The following CHIC1 variants were observed in gnomAD, a reference collection of about 807,000 sequenced individuals.
CHIC1 encodes the protein cysteine rich hydrophobic domain 1.
A neutral mutation model predicts 18.5 loss-of-function variants in CHIC1; 7 were observed. That is an observed-to-expected ratio of 0.38 (90% CI 0.22 to 0.71). The LOEUF (loss-of-function observed/expected upper bound fraction) is 0.71, where lower values mean the gene tolerates loss of function less well. Among genes scored for constraint, CHIC1 ranks in the 30% least tolerant of loss-of-function variants. The pLI is 0.49. For synonymous variants in CHIC1, 77 were observed against 73.5 expected (o/e 1.05, Z -0.25); for missense variants, 159 against 176.9 (o/e 0.90, Z 0.57).
intron 3 of CHIC1, among the ~76,000 whole-genome samples, chrX:73,626,814 C>T (rs1402137661): frequency 9.0e-6 from 1 of 110,863 alleles, no homozygotes; most frequent in Non-Finnish European, 1.9e-5. Context: ...TTATTTCATT[C>T]ATTTGATGAG....
At chrX:73,659,628 G>A (rs1040064330) in intron 3 of CHIC1, among the ~76,000 whole-genome samples, 5 of 111,452 alleles carry the variant, frequency 4.5e-5, no homozygotes, top group African/African-American at 1.6e-4. Flanking sequence ...AACCAAGCCT[G>A]TCCCTGCACT....
chrX:73,607,299 C>T (rs1234582070), intron 3 of CHIC1, among the ~76,000 whole-genome samples: 5 of 108,068 alleles, frequency 4.6e-5, no homozygotes, highest in Admixed American at 9.7e-5. Flanking sequence ...AAACTGTCTA[C>T]TCAAGCCTCA....
chrX:73,576,859 G>A (rs17302640), intron 1 of CHIC1, among the ~76,000 whole-genome samples: 16,346 of 109,850 alleles, frequency 0.15, 986 homozygotes, highest in Non-Finnish European at 0.16. Flanking sequence ...AAAATTGGTC[G>A]AGCACAGACG....
At chrX:73,641,478 C>G (rs1456807004) in intron 3 of CHIC1, among the ~76,000 whole-genome samples, 2 of 110,694 alleles carry the variant, frequency 1.8e-5, no homozygotes, top group South Asian at 3.9e-4. Flanking sequence ...TACTGGTAAC[C>G]ACCGTTCCAC....
At chrX:73,663,504 C>T (rs933658371) in intron 3 of CHIC1, among the ~76,000 whole-genome samples, 3 of 110,475 alleles carry the variant, frequency 2.7e-5, no homozygotes, top group Non-Finnish European at 3.8e-5. Context: ...CCTTTCTTCC[C>T]TCTGAATTGC....
chrX:73,684,790 T>C lies in CHIC1; in HGVS notation c.*3785T>C. 9.0e-6 allele frequency: 1 copy of C among 111,652 alleles called. No homozygotes were observed. Among genetic ancestry groups the C allele is most frequent in the Non-Finnish European group, 1.9e-5 (1 of 52,934 alleles). 9.2% of individuals were successfully genotyped at this position (111,652 alleles called of 1,213,427 possible). On this transcript the variant is annotated 3_prime_UTR_variant, in exon 6 of 6. Coordinates refer to ENST00000373502, the MANE Select transcript of CHIC1 (RefSeq NM_001039840.4). ...AATGAATAGGTTTTATTAATACCTG[T>C]TCATGTAGTATGTGGACTAAAACAA...
intron 3 of CHIC1, among the ~76,000 whole-genome samples, chrX:73,601,545 G>A (rs2147566770): frequency 9.4e-6 from 1 of 106,116 alleles, no homozygotes; most frequent in African/African-American, 3.7e-5. Flanking sequence ...AGAATGTCTG[G>A]GACGCATTCA....
At chrX:73,579,067 A>G (rs1456076326) in intron 2 of CHIC1, among the ~76,000 whole-genome samples, 1 of 110,415 alleles carries the variant, frequency 9.1e-6, no homozygotes, top group Admixed American at 9.7e-5. Context: ...CTTTGAAATC[A>G]TAAGAAATTC....
chrX:73,580,302 T>C (rs2057520497), intron 2 of CHIC1, among the ~76,000 whole-genome samples: 1 of 110,831 alleles, frequency 9.0e-6, no homozygotes, highest in South Asian at 3.7e-4. Context: ...CATAAATATA[T>C]CCATTCTTTT....
At chrX:73,594,451 T>C (rs986583654) in intron 3 of CHIC1, among the ~76,000 whole-genome samples, 1 of 111,806 alleles carries the variant, frequency 8.9e-6, no homozygotes, top group African/African-American at 3.3e-5. Context: ...GGGTCATGGT[T>C]CTGTATGGGT....
intron 3 of CHIC1, among the ~76,000 whole-genome samples, chrX:73,620,823 A>G (rs1246010053): frequency 1.8e-5 from 2 of 111,710 alleles, no homozygotes; most frequent in African/African-American, 3.3e-5. Flanking sequence ...TAGAGTTTTT[A>G]TGGTTTTGGG....
chrX:73,604,830 A>C (rs2057671298), intron 3 of CHIC1, among the ~76,000 whole-genome samples: 1 of 109,192 alleles, frequency 9.2e-6, no homozygotes. Context: ...TGAGTTTGTT[A>C]ATCCTAAGTT....
chrX:73,602,846 A>G (rs1245813457), intron 3 of CHIC1, among the ~76,000 whole-genome samples: 2 of 108,469 alleles, frequency 1.8e-5, no homozygotes, highest in Non-Finnish European at 3.8e-5. Context: ...GTTTATTTAT[A>G]AGGCTTCTGT....
intron 2 of CHIC1, 30 bp downstream of exon 2, chrX:73,577,491 G>A: frequency 9.5e-7 from 1 of 1,057,312 alleles, no homozygotes; most frequent in African/African-American, 1.8e-5. Context: ...GAACTTTTCA[G>A]TTCTAAAGCA....
chrX:73,662,468 C>A (rs1343398190), intron 3 of CHIC1, among the ~76,000 whole-genome samples: 1 of 100,575 alleles, frequency 9.9e-6, no homozygotes, highest in Non-Finnish European at 2.0e-5. Flanking sequence ...GATCTAGTTG[C>A]CTCTGAGAAA....
intron 3 of CHIC1, among the ~76,000 whole-genome samples, chrX:73,632,068 C>T (rs181798640): frequency 5.4e-5 from 6 of 111,748 alleles, no homozygotes; most frequent in Non-Finnish European, 7.5e-5. Flanking sequence ...CATTCTTATT[C>T]AAGTCCACTC....
intron 3 of CHIC1, 65 bp downstream of exon 3, chrX:73,584,637 C>T (rs939911934): frequency 2.5e-6 from 2 of 808,077 alleles, no homozygotes; most frequent in Non-Finnish European, 3.4e-6. Context: ...TTACTATGTG[C>T]TATGAACTCT....
At chrX:73,599,494 T>G (rs1398976413) in intron 3 of CHIC1, among the ~76,000 whole-genome samples, 126 of 101,218 alleles carry the variant, frequency 1.2e-3, no homozygotes, top group Non-Finnish European at 2.1e-3. Context: ...TAATCCATCT[T>G]GAATTGATTT....
At chrX:73,626,739 C>G (rs1437933673) in intron 3 of CHIC1, among the ~76,000 whole-genome samples, 1 of 111,113 alleles carries the variant, frequency 9.0e-6, no homozygotes, top group Non-Finnish European at 1.9e-5. Flanking sequence ...CTCAACACAG[C>G]TATTTTTAAA....
Sources: gnomAD v4.1 joint callset for allele counts (sites outside exome capture counted in the v4.1 genomes callset) on GRCh38, gnomAD v4.1.1 for gene constraint, MANE v1.5 for transcripts, NCBI Gene and HGNC (gene_info 2026-07-23, HGNC 2026-07-21) for gene names.